The following CPVL variants were observed in gnomAD, a reference collection of about 807,000 sequenced individuals.
CPVL encodes the protein probable serine carboxypeptidase CPVL.
CPVL carries 51 observed loss-of-function variants against 63.7 expected under a neutral mutation model. That is an observed-to-expected ratio of 0.80 (90% CI 0.64 to 1.01). The LOEUF is 1.01. Ranked by LOEUF, CPVL falls within the 50% of genes least tolerant of loss-of-function variation. The pLI, the probability that CPVL is intolerant of heterozygous loss-of-function variation, is 0.00. For synonymous variants in CPVL, 195 were observed against 206.0 expected, an observed-to-expected ratio of 0.95 and a Z score of 0.46; for missense variants, 530 against 573.1, an observed-to-expected ratio of 0.92 and a Z score of 0.77.
chr7:29,068,161 C>T (rs560640077), intron 9 of CPVL, among the ~76,000 whole-genome samples: 11 of 151,958 alleles, frequency 7.2e-5, no homozygotes, highest in South Asian at 2.1e-4. Flanking sequence ...CCTGCCACCA[C>T]GCCCAGCTAA....
chr7:29,054,164 T>G (rs1790483783), intron 11 of CPVL, among the ~76,000 whole-genome samples: 1 of 152,186 alleles, frequency 6.6e-6, no homozygotes, highest in Non-Finnish European at 1.5e-5. Flanking sequence ...ACACAACCAT[T>G]GTACAATGAT....
intron 1 of CPVL, 72 bp from the exon 2 acceptor site, chr7:29,121,143 A>T: frequency 7.3e-7 from 1 of 1,372,178 alleles, no homozygotes; most frequent in Non-Finnish European, 9.7e-7. Flanking sequence ...ACATGCAAGA[A>T]ATTCATTTAT....
At chr7:29,181,242 T>G in intron 5 of CPVL, 1 of 152,206 alleles carries the variant, frequency 6.6e-6, no homozygotes. Context: ...TTTCATAGCC[T>G]TTGACCAAGG....
intron 3 of CPVL, among the ~76,000 whole-genome samples, chr7:29,099,539 G>A (rs183120404): frequency 1.3e-4 from 20 of 152,074 alleles, no homozygotes; most frequent in African/African-American, 4.1e-4. Flanking sequence ...TGGTGAAACC[G>A]CATCTCTACT....
At chr7:29,128,604 T>G (rs1485752906) in intron 1 of CPVL, among the ~76,000 whole-genome samples, 1 of 150,990 alleles carries the variant, frequency 6.6e-6, no homozygotes, top group Non-Finnish European at 1.5e-5. Flanking sequence ...TAATCCCAGC[T>G]ACTCATGAGG....
chr7:29,102,813 A>T (rs1787289489), intron 3 of CPVL, among the ~76,000 whole-genome samples: 1 of 152,292 alleles, frequency 6.6e-6, no homozygotes, highest in South Asian at 2.1e-4. Context: ...CGGCCCAGAA[A>T]GAGAGAAGTT....
chr7:29,002,686 A>C (rs1009522192), intron 12 of CPVL, among the ~76,000 whole-genome samples: 8 of 152,094 alleles, frequency 5.3e-5, no homozygotes, highest in Non-Finnish European at 1.2e-4. Flanking sequence ...GAATATATAC[A>C]AGAGAATCAA....
At chr7:29,028,702 A>C (rs1441645737) in intron 12 of CPVL, among the ~76,000 whole-genome samples, 1 of 151,300 alleles carries the variant, frequency 6.6e-6, no homozygotes. Context: ...TGGTGGCTCA[A>C]GCCTGTAATC....
chr7:29,089,027 T>C (rs1223952913), intron 6 of CPVL, among the ~76,000 whole-genome samples: 1 of 152,178 alleles, frequency 6.6e-6, no homozygotes, highest in Non-Finnish European at 1.5e-5. Context: ...ACTCCATGCA[T>C]TTATTCAGGT....
upstream of CPVL, chr7:29,147,128 G>A: frequency 1.1e-6 from 1 of 883,710 alleles, no homozygotes; most frequent in Non-Finnish European, 1.7e-6. Context: ...GCTTGTAAGT[G>A]ACCTGAGTGT....
intron 5 of CPVL, among the ~76,000 whole-genome samples, chr7:29,160,867 G>A (rs182802106): frequency 6.6e-6 from 1 of 152,188 alleles, no homozygotes; most frequent in African/African-American, 2.4e-5. Flanking sequence ...TTGACACTAG[G>A]TTGATAGTCT....
chr7:29,096,142 CAA>C lies in CPVL; in HGVS notation c.362_363del (p.Phe121CysfsTer11). 4.3e-6 allele frequency: 7 copies of C among 1,614,186 alleles called. No homozygotes were observed. Among genetic ancestry groups the C allele is most frequent in the South Asian group, 1.1e-5 (1 of 91,084 alleles). On this transcript the variant is annotated frameshift_variant, in exon 4 of 13. Transcript: ENST00000265394. ...GTGACAACATAAGGCCCATGTTCCA[CAA>C]AGAGTCCAAACATGGATGAACCTCC... ...GPGGSSMFGL[F>X]VEHGPYVVTS...
intron 1 of CPVL, among the ~76,000 whole-genome samples, chr7:29,136,651 A>G (rs1034159316): frequency 6.6e-6 from 1 of 152,372 alleles, no homozygotes; most frequent in Non-Finnish European, 1.5e-5. Flanking sequence ...CTCAGAGATA[A>G]GAGAAGGATG....
chr7:29,058,526 A>G (rs1388606903), intron 11 of CPVL, among the ~76,000 whole-genome samples: 1 of 152,114 alleles, frequency 6.6e-6, no homozygotes, highest in Non-Finnish European at 1.5e-5. Flanking sequence ...TCTGACCTAT[A>G]TCACTTATCT....
chr7:28,996,678 A>C (rs891992469), intron 12 of CPVL, among the ~76,000 whole-genome samples: 1 of 152,164 alleles, frequency 6.6e-6, no homozygotes, highest in Admixed American at 6.5e-5. Flanking sequence ...AAACATAGCA[A>C]ATTCGAAAAC....
rs1191228187 is a variant in CPVL at position 29,041,126 on chromosome 7, A to ATTTTTTT, written c.1138-10374_1138-10368dup. Among the ~76,000 whole-genome samples the ATTTTTTT allele has an allele frequency of 5.4e-3, 570 of 104,906 alleles. 4 individuals carry two copies. The highest frequency in any genetic ancestry group is 8.1e-3 in the Non-Finnish European group (421 of 52,000). The allele number at this position is 104,906 out of a possible 152,430, so 68.8% of individuals were successfully genotyped here. A position where few individuals can be genotyped will look rare whatever the true frequency, so the allele number is the denominator to read the frequency against. On this transcript the variant is annotated intron_variant, in intron 11 of 12. Transcript: ENST00000265394. ...TCCTCTGACCATGATCAATAACTGGATTTTTTTTTTTTTTTTTTTTTTTGA... is the reference window on the plus strand; with the variant it reads ...TCCTCTGACCATGATCAATAACTGGATTTTTTTTTTTTTTTTTTTTTTTTTTTTTTGA...
Position 29,060,033 on chromosome 7 carries a change from A to G in CPVL, c.1137+4028T>C, listed in dbSNP as rs112036674. On this transcript the variant is annotated intron_variant, in intron 11 of 12. Transcript: ENST00000265394. ...GTGGAGACTTCTAAGCTTCTTACAC[A>G]CTGGAATGGAAACTGGAAGCCTGTC... 4.1e-3 allele frequency among the ~76,000 whole-genome samples: 622 copies of G among 152,122 alleles called. 6 individuals are homozygous for G. Among genetic ancestry groups the G allele is most frequent in the African/African-American group, 0.014 (588 of 41,502 alleles).
chr7:29,146,709 A>G (rs1792743291), upstream of CPVL: 1 of 1,550,516 alleles, frequency 6.4e-7, no homozygotes, highest in African/African-American at 1.4e-5. Context: ...GTGGAATCTT[A>G]AAAATTAATG....
At chr7:28,997,441 C>T (rs912407035) in intron 12 of CPVL, among the ~76,000 whole-genome samples, 1 of 152,106 alleles carries the variant, frequency 6.6e-6, no homozygotes, top group Non-Finnish European at 1.5e-5. Context: ...GAAAATCTGC[C>T]CCTATATCCC....
Sources: gnomAD v4.1 joint callset for allele counts (sites outside exome capture counted in the v4.1 genomes callset) on GRCh38, gnomAD v4.1.1 for gene constraint, MANE v1.5 for transcripts, NCBI Gene and HGNC (gene_info 2026-07-23, HGNC 2026-07-21) for gene names.